CPE: variants seen among roughly 807,000 people sequenced by gnomAD.
CPE encodes carboxypeptidase E.
Under a neutral mutation model 53.5 loss-of-function variants are expected in CPE, and 17 were observed. The ratio of observed to expected loss-of-function variants is 0.32; its 90% CI spans 0.22 to 0.48. The LOEUF (loss-of-function observed/expected upper bound fraction) is 0.48, where lower values mean the gene tolerates loss of function less well. CPE is among the 20% of genes least tolerant of loss of function. CPE has a pLI of 0.99. For synonymous variants in CPE, 226 were observed against 228.8 expected, an observed-to-expected ratio of 0.99 and a Z score of 0.11; for missense variants, 524 against 614.7, an observed-to-expected ratio of 0.85 and a Z score of 1.56.
intron 1 of CPE, among the ~76,000 whole-genome samples, chr4:165,424,878 A>ATTTTTTT (rs1579255242): frequency 1.8e-5 from 2 of 109,832 alleles, no homozygotes; most frequent in Non-Finnish European, 2.0e-5. Flanking sequence ...AAAAGTAGAA[A>ATTTTTTT]CTTTTTTTTT....
intron 1 of CPE, chr4:165,405,931 C>CACA: frequency 1.4e-6 from 1 of 730,218 alleles, no homozygotes; most frequent in East Asian, 2.6e-5. Flanking sequence ...TGATGGCAGT[C>CACA]ACAACAGGCT....
chr4:165,421,244 G>A lies in CPE; in HGVS notation c.307+41716G>A, dbSNP rs539526598. Among the ~76,000 whole-genome samples the A allele has an allele frequency of 3.9e-5, 6 of 152,224 alleles. No homozygotes were observed. The East Asian group carries it at 9.6e-4, about 24-fold the overall frequency. On this transcript the variant is annotated intron_variant, in intron 1 of 8. Transcript: ENST00000402744. Reference sequence around the variant, plus strand: ...TTCTGTAGTAGGATTTGGAGTCTTCGTTGCTGTGCTCTATAGGTTAAAAAC... The same window carrying A: ...TTCTGTAGTAGGATTTGGAGTCTTCATTGCTGTGCTCTATAGGTTAAAAAC...
chr4:165,406,961 A>G (rs1446930940), intron 1 of CPE, among the ~76,000 whole-genome samples: 1 of 152,200 alleles, frequency 6.6e-6, no homozygotes, highest in African/African-American at 2.4e-5. Flanking sequence ...ATGTGGATTT[A>G]CCATATTTTG....
intron 1 of CPE, chr4:165,404,920 G>A (rs1730928406): frequency 1.3e-6 from 1 of 760,380 alleles, no homozygotes; most frequent in African/African-American, 1.7e-5. Flanking sequence ...CACTGACTGG[G>A]AGAGGAGATG....
At chr4:165,416,545 A>G (rs1731126357) in intron 1 of CPE, among the ~76,000 whole-genome samples, 1 of 151,972 alleles carries the variant, frequency 6.6e-6, no homozygotes, top group African/African-American at 2.4e-5. Flanking sequence ...GCTCTTCAAC[A>G]TAACTTGCTT....
chr4:165,394,077 GAGA>G (rs1579241002), intron 1 of CPE, among the ~76,000 whole-genome samples: 1 of 152,150 alleles, frequency 6.6e-6, no homozygotes, highest in East Asian at 1.9e-4. Flanking sequence ...GTCAGAGAGA[GAGA>G]AGAGAAAGAC....
At chr4:165,447,823 T>G (rs1731743914) in intron 1 of CPE, among the ~76,000 whole-genome samples, 1 of 152,136 alleles carries the variant, frequency 6.6e-6, no homozygotes, top group African/African-American at 2.4e-5. Flanking sequence ...TAAATTCTTT[T>G]TTTAAAAAAA....
chr4:165,428,798 G>A (rs80266102), intron 1 of CPE, among the ~76,000 whole-genome samples: 24,646 of 151,526 alleles, frequency 0.16, 2,400 homozygotes, highest in East Asian at 0.28. Flanking sequence ...TTCTGTGCTT[G>A]TAATCTCCCT....
At chr4:165,429,805 CAA>C (rs1410218302) in intron 1 of CPE, among the ~76,000 whole-genome samples, 4 of 151,924 alleles carry the variant, frequency 2.6e-5, no homozygotes, top group Admixed American at 1.3e-4. Flanking sequence ...AATAAGCAAC[CAA>C]GACTGATTAT....
intron 1 of CPE, chr4:165,406,272 C>A: frequency 1.6e-6 from 1 of 620,068 alleles, no homozygotes; most frequent in Admixed American, 2.1e-5. Context: ...AAAATTGCGG[C>A]GTATATAACC....
At chr4:165,437,158 T>C (rs189493570) in intron 1 of CPE, among the ~76,000 whole-genome samples, 1 of 152,292 alleles carries the variant, frequency 6.6e-6, no homozygotes, top group Admixed American at 6.5e-5. Flanking sequence ...TGAGTGTTAT[T>C]GGTCTGGCTG....
At chr4:165,414,429 C>T (rs577443390) in intron 1 of CPE, among the ~76,000 whole-genome samples, 1 of 152,138 alleles carries the variant, frequency 6.6e-6, no homozygotes, top group African/African-American at 2.4e-5. Flanking sequence ...CAAAGTCAAA[C>T]GTTTGAAAAA....
At chr4:165,408,367 T>C (rs1371756550) in intron 1 of CPE, among the ~76,000 whole-genome samples, 1 of 152,226 alleles carries the variant, frequency 6.6e-6, no homozygotes, top group African/African-American at 2.4e-5. Context: ...TTTCCTTCTT[T>C]TGCAGATGGA....
chr4:165,456,106 C>T (rs1298483008), intron 1 of CPE, among the ~76,000 whole-genome samples: 1 of 152,060 alleles, frequency 6.6e-6, no homozygotes, highest in African/African-American at 2.4e-5. Flanking sequence ...AATTATATTG[C>T]CTTTTTATTG....
At chr4:165,442,023 GTTTTTTTTTTTTGTTTTTTTTTTGTT>G (rs1261808966) in intron 1 of CPE, among the ~76,000 whole-genome samples, 1 of 107,476 alleles carries the variant, frequency 9.3e-6, no homozygotes, top group East Asian at 2.9e-4. Flanking sequence ...CGGTGAGTTT[GTTTTTTTTTTTTGTTTTTTTTTTGTT>G]TTTTTTTTTT....
intron 1 of CPE, among the ~76,000 whole-genome samples, chr4:165,382,279 T>G (rs779452415): frequency 2.6e-4 from 39 of 151,188 alleles, no homozygotes; most frequent in Non-Finnish European, 5.2e-4. Context: ...ATGTACAGTT[T>G]GTTGACATTT....
At chr4:165,494,951 G>A (rs966471668) in intron 7 of CPE, among the ~76,000 whole-genome samples, 1 of 152,220 alleles carries the variant, frequency 6.6e-6, no homozygotes, top group Admixed American at 6.5e-5. Flanking sequence ...CGCAACCTTA[G>A]CATTGCCCTG....
At chr4:165,466,743 C>T (rs1171511428) in intron 2 of CPE, among the ~76,000 whole-genome samples, 1 of 152,134 alleles carries the variant, frequency 6.6e-6, no homozygotes, top group Non-Finnish European at 1.5e-5. Context: ...GTCTTGATCT[C>T]CTGACCTCAT....
intron 1 of CPE, among the ~76,000 whole-genome samples, chr4:165,413,510 G>A (rs1731073336): frequency 6.6e-6 from 1 of 152,096 alleles, no homozygotes; most frequent in South Asian, 2.1e-4. Flanking sequence ...GAATTCAAGA[G>A]GCTTTGGACT....
Sources: gnomAD v4.1 joint callset for allele counts (sites outside exome capture counted in the v4.1 genomes callset) on GRCh38, gnomAD v4.1.1 for gene constraint, MANE v1.5 for transcripts, NCBI Gene and HGNC (gene_info 2026-07-23, HGNC 2026-07-21) for gene names.